The following RPTOR variants were observed in gnomAD, a reference collection of about 807,000 sequenced individuals.
The protein encoded by RPTOR is regulatory-associated protein of mTOR.
RPTOR carries 21 observed loss-of-function variants against 169.9 expected under a neutral mutation model. That is an observed-to-expected ratio of 0.12 (90% confidence interval 0.09 to 0.18). The LOEUF is 0.18. RPTOR is among the 10% of genes least tolerant of loss of function. The pLI is 1.00. For synonymous variants in RPTOR, 732 were observed against 753.2 expected (o/e 0.97, Z 0.46); for missense variants, 1,133 against 1,855.9 (o/e 0.61, Z 7.16).
intron 26 of RPTOR, 73 bp downstream of exon 26, chr17:80,945,854 C>A: frequency 1.2e-6 from 1 of 823,822 alleles, no homozygotes; most frequent in Non-Finnish European, 1.8e-6. Context: ...CTCCCCCGAT[C>A]ACCACTCCTC....
chr17:80,763,995 A>T (rs1412068093), intron 6 of RPTOR, among the ~76,000 whole-genome samples: 2 of 152,126 alleles, frequency 1.3e-5, no homozygotes, highest in Non-Finnish European at 1.5e-5. Context: ...GAACAGGGAA[A>T]ATTGACTTAT....
chr17:80,548,333 G>A (rs1482844168), intron 1 of RPTOR, among the ~76,000 whole-genome samples: 2 of 147,336 alleles, frequency 1.4e-5, no homozygotes, highest in Admixed American at 6.8e-5. Context: ...AAAAATGCTA[G>A]GATTACAGGC....
intron 17 of RPTOR, among the ~76,000 whole-genome samples, chr17:80,890,801 GA>G (rs1425777763): frequency 6.6e-6 from 1 of 152,108 alleles, no homozygotes; most frequent in African/African-American, 2.4e-5. Flanking sequence ...GCTGGGGTGG[GA>G]AAGTGCGTGT....
At chr17:80,853,083 G>A (rs1035941867) in intron 11 of RPTOR, among the ~76,000 whole-genome samples, 5 of 151,968 alleles carry the variant, frequency 3.3e-5, no homozygotes, top group African/African-American at 4.8e-5. Flanking sequence ...TCGCCTCCCC[G>A]ACTTCCAGCC....
intron 1 of RPTOR, among the ~76,000 whole-genome samples, chr17:80,583,092 G>A (rs868434553): frequency 6.7e-6 from 1 of 148,302 alleles, no homozygotes; most frequent in Non-Finnish European, 1.5e-5. Context: ...AATATTCTCA[G>A]TTATACTTTC....
In RPTOR at chr17:80,960,250, C is replaced by T; in HGVS notation, c.3605+45C>T. 6.2e-7 allele frequency: 1 copy of T among 1,610,040 alleles called. No individual in the cohort carries two copies. Among genetic ancestry groups the T allele is most frequent in the Non-Finnish European group, 8.5e-7 (1 of 1,177,640 alleles). On this transcript the variant is annotated intron_variant, in intron 30 of 33. Transcript: ENST00000306801. The surrounding 1 kb of genome is among the most constrained non-coding windows in gnomAD (Gnocchi z 4.8). ...TCCCTCCCCGAGTGCTGGCAGGGTA[C>T]CTTCCAGGTGGTAGGGCCGTGTCAC...
At chr17:80,770,236 A>C (rs2066828920) in intron 6 of RPTOR, among the ~76,000 whole-genome samples, 1 of 152,190 alleles carries the variant, frequency 6.6e-6, no homozygotes, top group Non-Finnish European at 1.5e-5. Context: ...AAGGTTGCTA[A>C]AATCCCACTC....
chr17:80,600,433 G>A (rs1191348041), intron 1 of RPTOR, among the ~76,000 whole-genome samples: 2 of 152,186 alleles, frequency 1.3e-5, no homozygotes, highest in Admixed American at 6.5e-5. Flanking sequence ...ACTTTTCATG[G>A]AAAATGAAGT....
At chr17:80,901,114 G>A (rs1256798753) in intron 20 of RPTOR, among the ~76,000 whole-genome samples, 86 of 152,296 alleles carry the variant, frequency 5.6e-4, no homozygotes, top group Non-Finnish European at 4.4e-5. Context: ...CGGAGGCCCC[G>A]CCCAACTCCT....
At chr17:80,658,488 T>A (rs1220411599) in intron 3 of RPTOR, among the ~76,000 whole-genome samples, 1 of 152,188 alleles carries the variant, frequency 6.6e-6, no homozygotes, top group Non-Finnish European at 1.5e-5. Context: ...GAAAGTTCCC[T>A]CCCCGCACCC....
chr17:80,838,052 C>A, intron 10 of RPTOR, 55 bp downstream of exon 10: 2 of 1,465,080 alleles, frequency 1.4e-6, no homozygotes, highest in Non-Finnish European at 9.4e-7. Flanking sequence ...CTTCTCTGGG[C>A]ACCTGGACTG....
intron 1 of RPTOR, among the ~76,000 whole-genome samples, chr17:80,622,681 C>T (rs1464530944): frequency 6.6e-6 from 1 of 152,138 alleles, no homozygotes; most frequent in Admixed American, 6.5e-5. Flanking sequence ...GCTGGTGGAT[C>T]GCTTGAACTC....
chr17:80,846,293 C>T (rs551650367), intron 10 of RPTOR, among the ~76,000 whole-genome samples, 180 bp from the exon 11 acceptor site: 2 of 152,376 alleles, frequency 1.3e-5, no homozygotes, highest in East Asian at 1.9e-4. Flanking sequence ...TCGTGCACCC[C>T]GCAGGCTCTC....
At chr17:80,849,959 G>C (rs2067775830) in intron 11 of RPTOR, among the ~76,000 whole-genome samples, 1 of 152,216 alleles carries the variant, frequency 6.6e-6, no homozygotes, top group South Asian at 2.1e-4. Flanking sequence ...GGGGAACGAA[G>C]AGCGCCTAGG....
At chr17:80,813,035 G>A (rs543803512) in intron 7 of RPTOR, among the ~76,000 whole-genome samples, 1 of 152,334 alleles carries the variant, frequency 6.6e-6, no homozygotes, top group Non-Finnish European at 1.5e-5. Flanking sequence ...TAGCACTGCA[G>A]CCCAGCTGAC....
intron 28 of RPTOR, 151 bp downstream of exon 28, chr17:80,949,698 C>T: frequency 3.0e-6 from 2 of 668,948 alleles, no homozygotes; most frequent in Non-Finnish European, 5.3e-6. Flanking sequence ...CCGCCAATGT[C>T]CCCGAAAGCG....
chr17:80,550,174 C>T (rs1210432910), intron 1 of RPTOR, among the ~76,000 whole-genome samples: 1 of 152,230 alleles, frequency 6.6e-6, no homozygotes, highest in African/African-American at 2.4e-5. Flanking sequence ...CCCTGTTCCA[C>T]TCCCCTGAGA....
At chr17:80,837,894 C>A (rs775900335) in intron 9 of RPTOR, 28 bp from the exon 10 acceptor site, 19 of 1,599,808 alleles carry the variant, frequency 1.2e-5, no homozygotes, top group Non-Finnish European at 1.6e-5. Flanking sequence ...CCATAATGCT[C>A]AGTGGATTTC....
intron 5 of RPTOR, among the ~76,000 whole-genome samples, chr17:80,742,774 A>G (rs1346815697): frequency 6.6e-6 from 1 of 152,078 alleles, no homozygotes; most frequent in African/African-American, 2.4e-5. Context: ...ACGCACATGT[A>G]TACATGTGCA....
Sources: allele counts gnomAD v4.1 joint callset (sites outside exome capture counted in the v4.1 genomes callset), GRCh38; gene constraint gnomAD v4.1.1; non-coding constraint Gnocchi (gnomAD v3.1); transcripts MANE v1.5; gene names NCBI Gene and HGNC (gene_info 2026-07-23, HGNC 2026-07-21).